The following TENT5D variants were observed in gnomAD, a reference collection of about 807,000 sequenced individuals.
TENT5D encodes cancer/testis antigen 112.
For missense variants in TENT5D, 191 were observed against 287.0 expected, an observed-to-expected ratio of 0.67 and a Z score of 2.42; for synonymous variants, 103 against 100.6, an observed-to-expected ratio of 1.02 and a Z score of -0.15.
intron 2 of TENT5D, among the ~76,000 whole-genome samples, chrX:80,339,032 C>T (rs1929905989): frequency 9.0e-6 from 1 of 111,436 alleles, no homozygotes; most frequent in African/African-American, 3.3e-5. Context: ...GTAATCTGGC[C>T]AGGTATTATC....
chrX:80,437,562 A>C (rs943153898), intron 1 of TENT5D, among the ~76,000 whole-genome samples: 1 of 111,654 alleles, frequency 9.0e-6, no homozygotes, highest in Non-Finnish European at 1.9e-5. Context: ...TTTGATAAGC[A>C]TAATCTTTTC....
At chrX:80,414,449 G>A (rs1223382086) in intron 3 of TENT5D, among the ~76,000 whole-genome samples, 2 of 111,876 alleles carry the variant, frequency 1.8e-5, no homozygotes, top group Non-Finnish European at 3.8e-5. Flanking sequence ...ATTTTGCCAA[G>A]GTTAAGGACG....
At chrX:80,420,275 G>A (rs1349842727), upstream of TENT5D, among the ~76,000 whole-genome samples, 1 of 109,727 alleles carries the variant, frequency 9.1e-6, no homozygotes, top group Non-Finnish European at 1.9e-5. Flanking sequence ...CAAGTATCTT[G>A]AGGAACCTGT....
chrX:80,424,233 G>C, intron 1 of TENT5D, among the ~76,000 whole-genome samples: 1 of 111,427 alleles, frequency 9.0e-6, no homozygotes. Context: ...CTTGATAGCC[G>C]TTAGATGAGA....
In TENT5D at chrX:80,389,417, G is replaced by T. The variant is rs1931085459; in HGVS notation, c.-142+46853G>T. ...ATATACAAGTCTGGAGTTCAGCGGA[G>T]GGTTTCACCCTAGAGCTTTTAAGTT... On this transcript the variant is annotated intron_variant, in intron 3 of 4. Transcript: ENST00000538312. 3.6e-5 allele frequency among the ~76,000 whole-genome samples: 4 copies of T among 112,166 alleles called. No homozygotes were observed. The Admixed American group carries it at 3.8e-4, about 11-fold the overall frequency.
At chrX:80,395,542 T>C (rs1306123027) in intron 3 of TENT5D, among the ~76,000 whole-genome samples, 1 of 111,872 alleles carries the variant, frequency 8.9e-6, no homozygotes, top group Non-Finnish European at 1.9e-5. Flanking sequence ...TTTGTCTCTT[T>C]GATGCTAATC....
rs372292263 is a variant in TENT5D, at chrX:80,403,809, A to G, written c.-141-34801A>G. ...CCCTTGTAACAATTGTGAGCCCCAA[A>G]TATCTGAGACAGGTCTCAGTCAATT... On this transcript the variant is annotated intron_variant, in intron 3 of 4. Transcript: ENST00000538312. Among the ~76,000 whole-genome samples, 129 of 111,914 alleles carry G rather than the reference A, an allele frequency of 1.2e-3. 4 individuals are homozygous for G. In the South Asian group the frequency reaches 0.045, roughly 39 times the overall value.
intron 3 of TENT5D, among the ~76,000 whole-genome samples, chrX:80,413,187 A>G (rs1378873326): frequency 1.8e-5 from 2 of 112,319 alleles, no homozygotes; most frequent in East Asian, 2.8e-4. Context: ...TTAAAGATTT[A>G]GTTAAGCCAT....
chrX:80,339,863 A>G (rs1329422876), intron 2 of TENT5D, among the ~76,000 whole-genome samples: 1 of 103,905 alleles, frequency 9.6e-6, no homozygotes, highest in Non-Finnish European at 1.9e-5. Context: ...GGAAATATAT[A>G]TATATATATA....
At chrX:80,372,880 CTA>C (rs1930652433) in intron 3 of TENT5D, among the ~76,000 whole-genome samples, 1 of 68,652 alleles carries the variant, frequency 1.5e-5, no homozygotes, top group Non-Finnish European at 3.0e-5. Context: ...GAGCGAGACT[CTA>C]TCTCAAAAAA....
At chrX:80,349,740 G>T (rs1386803813) in intron 3 of TENT5D, among the ~76,000 whole-genome samples, 1 of 110,971 alleles carries the variant, frequency 9.0e-6, no homozygotes, top group Non-Finnish European at 1.9e-5. Context: ...TAATTGTGAT[G>T]TTAGGGTGTC....
chrX:80,363,692 A>G (rs1191942501), intron 3 of TENT5D, among the ~76,000 whole-genome samples: 3 of 111,918 alleles, frequency 2.7e-5, no homozygotes, highest in Non-Finnish European at 5.6e-5. Context: ...ATGCCTTCTC[A>G]GTCTCCTTTG....
chrX:80,382,313 C>G (rs926819321), intron 3 of TENT5D, among the ~76,000 whole-genome samples: 5 of 111,893 alleles, frequency 4.5e-5, no homozygotes, highest in African/African-American at 1.6e-4. Context: ...TATTGCAGAA[C>G]AGCAAATATT....
At chrX:80,358,878 T>G (rs1038211667) in intron 3 of TENT5D, among the ~76,000 whole-genome samples, 1 of 111,692 alleles carries the variant, frequency 9.0e-6, no homozygotes, top group Non-Finnish European at 1.9e-5. Flanking sequence ...GACTAGAACG[T>G]TTAAGGTTTC....
intron 3 of TENT5D, among the ~76,000 whole-genome samples, chrX:80,370,882 A>G (rs1031932068): frequency 1.4e-4 from 16 of 112,114 alleles, no homozygotes; most frequent in Admixed American, 6.7e-4. Flanking sequence ...GGTTTTTAAC[A>G]ATATGAAAAA....
At chrX:80,371,218 A>G (rs1469896935) in intron 3 of TENT5D, among the ~76,000 whole-genome samples, 2 of 111,798 alleles carry the variant, frequency 1.8e-5, no homozygotes, top group Non-Finnish European at 3.8e-5. Context: ...TTTTCTGAGC[A>G]GGAGGTCTTA....
chrX:80,374,035 C>T (rs988601900), intron 3 of TENT5D, among the ~76,000 whole-genome samples: 1 of 110,781 alleles, frequency 9.0e-6, no homozygotes, highest in Non-Finnish European at 1.9e-5. Context: ...GTGTTGTTTC[C>T]CCTATGTGTC....
At chrX:80,374,162 A>G (rs1241490998) in intron 3 of TENT5D, among the ~76,000 whole-genome samples, 1 of 111,597 alleles carries the variant, frequency 9.0e-6, no homozygotes, top group African/African-American at 3.3e-5. Flanking sequence ...TGTACCTGCA[A>G]AGGACATGAT....
At chrX:80,387,653 G>A (rs1281491425) in intron 3 of TENT5D, among the ~76,000 whole-genome samples, 3 of 111,426 alleles carry the variant, frequency 2.7e-5, no homozygotes, top group Non-Finnish European at 3.8e-5. Context: ...CACAACCCCC[G>A]CTGTAGTCAC....
Sources: allele counts gnomAD v4.1 joint callset (sites outside exome capture counted in the v4.1 genomes callset), GRCh38; gene constraint gnomAD v4.1.1; transcripts MANE v1.5; gene names NCBI Gene and HGNC (gene_info 2026-07-23, HGNC 2026-07-21).